Variants in PCDH7 observed in about 807,000 individuals in gnomAD.
PCDH7 encodes the protein protocadherin-7.
In PCDH7, 17 loss-of-function variants were observed where a neutral mutation model predicts 58.9. The observed-to-expected ratio is 0.29, with a 90% CI of 0.20 to 0.43. The LOEUF (loss-of-function observed/expected upper bound fraction) is 0.43, where lower values mean the gene tolerates loss of function less well. Ranked by LOEUF, PCDH7 falls within the 20% of genes least tolerant of loss-of-function variation. The pLI, the probability that PCDH7 is intolerant of heterozygous loss-of-function variation, is 1.00. For synonymous variants in PCDH7, 664 were observed against 616.4 expected (o/e 1.08, Z -1.14); for missense variants, 1,274 against 1,441.0 (o/e 0.88, Z 1.88).
chr4:31,048,659 C>T (rs555993077), intron 3 of PCDH7, among the ~76,000 whole-genome samples: 1 of 151,808 alleles, frequency 6.6e-6, no homozygotes, highest in Non-Finnish European at 1.5e-5. Flanking sequence ...TTGATTTTTC[C>T]ATATGCCAGA....
intron 3 of PCDH7, among the ~76,000 whole-genome samples, chr4:30,956,850 A>G (rs1292334228): frequency 6.6e-6 from 1 of 152,170 alleles, no homozygotes. Context: ...TGGATGCACT[A>G]CTTGTCTTGA....
chr4:31,031,621 T>G (rs1754923253), intron 3 of PCDH7, among the ~76,000 whole-genome samples: 1 of 152,088 alleles, frequency 6.6e-6, no homozygotes, highest in South Asian at 2.1e-4. Flanking sequence ...ACTAATAAAA[T>G]ATTTCACTGG....
intron 1 of PCDH7, among the ~76,000 whole-genome samples, chr4:30,851,397 C>G (rs1197582203): frequency 6.6e-6 from 1 of 151,880 alleles, no homozygotes; most frequent in Non-Finnish European, 1.5e-5. Flanking sequence ...GCTCCCAAAT[C>G]TATATTTTTC....
At position 30,864,294 on chromosome 4, in the gene PCDH7, C is replaced by A. The variant is rs114501849; in HGVS notation, c.71-55859C>A. 9.2e-3 allele frequency among the ~76,000 whole-genome samples: 1,395 copies of A among 152,060 alleles called. 25 individuals carry two copies. Among genetic ancestry groups the A allele is most frequent in the African/African-American group, 0.032 (1,337 of 41,502 alleles). ...CCCGAATATGAGACAGACATGTAAA[C>A]AAACCCATAATAGCAATATTAATTG... is the stretch of plus-strand genomic sequence containing the variant. On this transcript the variant is annotated intron_variant, in intron 1 of 3. Coordinates refer to the PCDH7 transcript ENST00000509759.
intron 3 of PCDH7, among the ~76,000 whole-genome samples, chr4:31,132,443 T>A (rs1010635209): frequency 6.6e-6 from 1 of 152,212 alleles, no homozygotes; most frequent in South Asian, 2.1e-4. Flanking sequence ...AAGGCAATAT[T>A]AATATTTATC....
chr4:31,083,913 A>C (rs1372275898), intron 3 of PCDH7, among the ~76,000 whole-genome samples: 1 of 152,226 alleles, frequency 6.6e-6, no homozygotes, highest in African/African-American at 2.4e-5. Context: ...TAATATCATA[A>C]GTAAATTTTC....
At chr4:30,926,071 T>C (rs1380911994) in intron 2 of PCDH7, among the ~76,000 whole-genome samples, 1 of 152,196 alleles carries the variant, frequency 6.6e-6, no homozygotes, top group Non-Finnish European at 1.5e-5. Flanking sequence ...GACAATAATA[T>C]GCAATAATTT....
chr4:31,122,227 G>A (rs1392057), intron 3 of PCDH7, among the ~76,000 whole-genome samples: 3,475 of 152,004 alleles, frequency 0.023, 126 homozygotes, highest in African/African-American at 0.079. Context: ...AAATCCCCAC[G>A]TGCTCTTTGG....
chr4:30,896,122 A>T (rs545276847), intron 1 of PCDH7, among the ~76,000 whole-genome samples: 1 of 152,090 alleles, frequency 6.6e-6, no homozygotes, highest in South Asian at 2.1e-4. Context: ...GGCATTTTTT[A>T]TTTTCCTTTC....
chr4:31,066,180 C>G (rs936239095), intron 3 of PCDH7, among the ~76,000 whole-genome samples: 1 of 151,748 alleles, frequency 6.6e-6, no homozygotes, highest in Non-Finnish European at 1.5e-5. Flanking sequence ...CAACGTGAGA[C>G]AAAGCTATTT....
intron 3 of PCDH7, among the ~76,000 whole-genome samples, chr4:30,973,357 T>C (rs750018979): frequency 2.0e-5 from 3 of 152,144 alleles, no homozygotes; most frequent in Non-Finnish European, 4.4e-5. Context: ...CCTGGGGAGA[T>C]GAGTTTACAT....
At chr4:30,737,175 T>C, downstream of PCDH7, among the ~76,000 whole-genome samples, 1 of 152,166 alleles carries the variant, frequency 6.6e-6, no homozygotes, top group Admixed American at 6.5e-5. Context: ...AAACTCCTCT[T>C]CTGTCACTTT....
Position 30,724,260 on chromosome 4 carries a change from T to C in PCDH7, c.2838T>C (p.Pro946=), listed in dbSNP as rs771514080. The C allele has an allele frequency of 6.8e-6, 11 of 1,613,456 alleles. No individual in the cohort carries two copies. In the South Asian group the frequency reaches 1.2e-4, roughly 18 times the overall value. Residue 946 remains proline (P), a synonymous_variant, in exon 1 of 2, where the codon CCT becomes CCC. Coordinates refer to ENST00000361762, the Ensembl canonical transcript of PCDH7. ...AGAAAAACAAAAAATCTAAGCAGCC[T>C]CTCTACAGCAGCATTGTCACTGTGG...
intron 3 of PCDH7, among the ~76,000 whole-genome samples, chr4:30,965,185 A>G (rs1295327952): frequency 6.6e-6 from 1 of 152,166 alleles, no homozygotes; most frequent in Non-Finnish European, 1.5e-5. Context: ...TTACATTTTA[A>G]TCATACATTA....
chr4:31,023,899 A>G (rs2109173881), intron 3 of PCDH7, among the ~76,000 whole-genome samples: 1 of 152,328 alleles, frequency 6.6e-6, no homozygotes, highest in Non-Finnish European at 1.5e-5. Flanking sequence ...TAAAAGAGAA[A>G]GCGTTCCAAA....
At chr4:31,103,403 G>A (rs1266071696) in intron 3 of PCDH7, among the ~76,000 whole-genome samples, 1 of 152,084 alleles carries the variant, frequency 6.6e-6, no homozygotes, top group Non-Finnish European at 1.5e-5. Flanking sequence ...GCAGAGGCGT[G>A]ATCTCGGCTC....
intron 3 of PCDH7, among the ~76,000 whole-genome samples, chr4:30,968,551 C>T (rs1470639393): frequency 6.6e-6 from 1 of 151,626 alleles, no homozygotes; most frequent in African/African-American, 2.4e-5. Flanking sequence ...CCATGCTTCT[C>T]ATCCCTTAAC....
At chr4:30,831,959 A>C (rs1729853799) in intron 1 of PCDH7, among the ~76,000 whole-genome samples, 1 of 152,128 alleles carries the variant, frequency 6.6e-6, no homozygotes, top group Admixed American at 6.6e-5. Context: ...TGCATTTTTA[A>C]TGTATGGCCA....
At chr4:30,924,617 G>A (rs1432227325) in intron 2 of PCDH7, among the ~76,000 whole-genome samples, 1 of 152,234 alleles carries the variant, frequency 6.6e-6, no homozygotes, top group African/African-American at 2.4e-5. Flanking sequence ...GGGTGGAAAT[G>A]TTGGCACCAT....
Sources: gnomAD v4.1 joint callset for allele counts (sites outside exome capture counted in the v4.1 genomes callset) on GRCh38, gnomAD v4.1.1 for gene constraint, MANE v1.5 for transcripts, NCBI Gene and HGNC (gene_info 2026-07-23, HGNC 2026-07-21) for gene names.